STAT5A: variants seen among roughly 807,000 people sequenced by gnomAD.
STAT5A encodes the protein epididymis secretory sperm binding protein.
Under a neutral mutation model 100.2 loss-of-function variants are expected in STAT5A, and 26 were observed. The ratio of observed to expected loss-of-function variants is 0.26; its 90% CI spans 0.19 to 0.36. The LOEUF is 0.36. Among genes scored for constraint, STAT5A ranks in the 10% least tolerant of loss-of-function variants. The pLI, the probability that STAT5A is intolerant of heterozygous loss-of-function variation, is 1.00. For synonymous variants in STAT5A, 330 were observed against 424.3 expected, an observed-to-expected ratio of 0.78 and a Z score of 2.73; for missense variants, 634 against 1,027.5, an observed-to-expected ratio of 0.62 and a Z score of 5.24.
intron 11 of STAT5A, 70 bp from the exon 12 acceptor site, chr17:42,305,540 G>A (rs983653076): frequency 2.0e-5 from 25 of 1,243,836 alleles, no homozygotes; most frequent in Non-Finnish European, 2.9e-5. Context: ...AAGCAGATTG[G>A]GCATGTTGCC....
intron 1 of STAT5A, 173 bp from the exon 2 acceptor site, chr17:42,289,229 G>T (rs2080844730): frequency 1.3e-5 from 8 of 627,560 alleles, no homozygotes; most frequent in South Asian, 6.1e-5. Context: ...TGGAGGGGAT[G>T]GGCGGCCCTC....
chr17:42,293,951 A>T (rs2080894728), intron 4 of STAT5A, among the ~76,000 whole-genome samples: 1 of 152,158 alleles, frequency 6.6e-6, no homozygotes, highest in African/African-American at 2.4e-5. Context: ...GTGGTGGCTC[A>T]CATCTGTAAT....
Position 42,288,996 on chromosome 17 carries a change from G to A in STAT5A, c.-11+398G>A, listed in dbSNP as rs74875201. ...GCCGTCGTGGCGCTGGCCTAACTTCGGGTTGGAATATCTCCCCTTCCCAGA... is the reference window on the plus strand; with the variant it reads ...GCCGTCGTGGCGCTGGCCTAACTTCAGGTTGGAATATCTCCCCTTCCCAGA... On this transcript the variant is annotated intron_variant, in intron 1 of 18. Transcript: ENST00000590949. The surrounding 1 kb of genome is among the most constrained non-coding windows in gnomAD (Gnocchi z 4.8). Among the ~76,000 whole-genome samples, 3,320 of 152,328 alleles carry A rather than the reference G, an allele frequency of 0.022. 132 individuals carry two copies. Among genetic ancestry groups the A allele is most frequent in the African/African-American group, 0.077 (3,195 of 41,572 alleles).
chr17:42,290,965 A>G (rs996529200), intron 3 of STAT5A, among the ~76,000 whole-genome samples: 1 of 152,194 alleles, frequency 6.6e-6, no homozygotes, highest in Non-Finnish European at 1.5e-5. Flanking sequence ...CAAGAGCATC[A>G]CGTTTATTGT....
intron 4 of STAT5A, among the ~76,000 whole-genome samples, chr17:42,293,028 A>T (rs1389354418): frequency 6.6e-6 from 1 of 152,336 alleles, no homozygotes; most frequent in East Asian, 1.9e-4. Context: ...GAGGGGTAAC[A>T]GGGACACATC....
intron 4 of STAT5A, 109 bp downstream of exon 4, chr17:42,292,170 G>A (rs2080875459): frequency 7.5e-7 from 1 of 1,338,912 alleles, no homozygotes. Context: ...AGAGCACCAA[G>A]AAGATGAGGG....
chr17:42,289,563 T>A lies in STAT5A; in HGVS notation c.128+24T>A, dbSNP rs1039854056. 3 of 1,608,398 alleles carry A rather than the reference T, an allele frequency of 1.9e-6. No individual in the cohort carries two copies. The African/African-American group carries it at 4.0e-5, about 22-fold the overall frequency. Reference sequence around the variant, plus strand: ...TGGTAGGCACGTCCCGCCCTGCCCCTCCTCAGAGGGTCCCTACCATCCAGG... The same window carrying A: ...TGGTAGGCACGTCCCGCCCTGCCCCACCTCAGAGGGTCCCTACCATCCAGG... On this transcript the variant is annotated intron_variant, in intron 2 of 18. Transcript: ENST00000590949.
At chr17:42,290,047 AC>A (rs776485005) in intron 3 of STAT5A, 25 bp downstream of exon 3, 2 of 1,579,166 alleles carry the variant, frequency 1.3e-6, no homozygotes, top group African/African-American at 1.4e-5. Context: ...TGGGCCACCT[AC>A]GGGGAGGAAG....
chr17:42,306,760 C>T (rs1020443740), intron 13 of STAT5A, among the ~76,000 whole-genome samples: 1 of 152,004 alleles, frequency 6.6e-6, no homozygotes, highest in Non-Finnish European at 1.5e-5. Context: ...CATTCTGTCA[C>T]CCAGGCTGGA....
chr17:42,297,079 C>T (rs974492686), intron 5 of STAT5A, among the ~76,000 whole-genome samples: 5 of 152,152 alleles, frequency 3.3e-5, no homozygotes, highest in Non-Finnish European at 5.9e-5. Flanking sequence ...TACAGACATG[C>T]ACCACCATGC....
At chr17:42,300,662 C>T (rs1367620915) in intron 7 of STAT5A, 53 bp from the exon 8 acceptor site, 13 of 1,613,492 alleles carry the variant, frequency 8.1e-6, no homozygotes, top group Admixed American at 6.7e-5. Context: ...TGGGGCCTGG[C>T]GTCTGTGAGG....
chr17:42,291,421 G>T (rs2080867332), intron 3 of STAT5A, among the ~76,000 whole-genome samples: 1 of 152,168 alleles, frequency 6.6e-6, no homozygotes, highest in East Asian at 1.9e-4. Flanking sequence ...CGGTAGATTG[G>T]AAGTGCTTCA....
At chr17:42,295,943 T>C in intron 5 of STAT5A, 150 bp downstream of exon 5, 1 of 1,173,030 alleles carries the variant, frequency 8.5e-7, no homozygotes, top group East Asian at 2.6e-5. Flanking sequence ...ATTGAGCCCC[T>C]GCCGTGGGTC....
At chr17:42,299,694 A>G (rs565757846) in intron 5 of STAT5A, 57 bp from the exon 6 acceptor site, 126 of 1,613,034 alleles carry the variant, frequency 7.8e-5, no homozygotes, top group Middle Eastern at 3.3e-4. Flanking sequence ...GGGCTTCTCT[A>G]GGCCTCCTGT....
At chr17:42,292,163 G>A (rs2080875422) in intron 4 of STAT5A, 102 bp downstream of exon 4, 2 of 1,403,586 alleles carry the variant, frequency 1.4e-6, no homozygotes, top group Non-Finnish European at 2.0e-6. Flanking sequence ...CACGAGGAGA[G>A]CACCAAGAAG....
In STAT5A at chr17:42,307,741, C is replaced by T. The variant is rs564093985; in HGVS notation, c.1906+18C>T. On this transcript the variant is annotated intron_variant, in intron 15 of 18. Coordinates refer to ENST00000590949, the MANE Select transcript of STAT5A (RefSeq NM_001288718.2). ...TGACTCCCGTGAGTGCCCGTTTTGC[C>T]CACACTCCAGCCCCAAGGCCCGGTC... The T allele has an allele frequency of 6.2e-7, 1 of 1,611,904 alleles. No individual in the cohort carries two copies. Among genetic ancestry groups the T allele is most frequent in the Non-Finnish European group, 8.5e-7 (1 of 1,178,648 alleles).
At chr17:42,307,956 TC>T (rs1262694242) in intron 15 of STAT5A, among the ~76,000 whole-genome samples, 1 of 152,194 alleles carries the variant, frequency 6.6e-6, no homozygotes, top group Non-Finnish European at 1.5e-5. Flanking sequence ...TCCTGCAGTT[TC>T]ACGCTCTCCC....
chr17:42,291,576 C>T (rs1199157124), intron 3 of STAT5A, among the ~76,000 whole-genome samples: 1 of 152,142 alleles, frequency 6.6e-6, no homozygotes. Flanking sequence ...ATTAGCCGAG[C>T]GTGATGGCAC....
In STAT5A at chr17:42,310,946, C is replaced by A; in HGVS notation, c.*277C>A. The A allele has an allele frequency of 4.1e-6, 2 of 490,720 alleles. No individual in the cohort carries two copies. The highest frequency in any genetic ancestry group is 3.3e-5 in the Admixed American group (1 of 30,470). 30.4% of individuals were successfully genotyped at this position (490,720 alleles called of 1,614,324 possible). ...GAGACCGAGCCTCTGTCACTGCAGGCACTCAATGCAGCCAGACCTATTCCT... is the reference window on the plus strand; with the variant it reads ...GAGACCGAGCCTCTGTCACTGCAGGAACTCAATGCAGCCAGACCTATTCCT... On this transcript the variant is annotated 3_prime_UTR_variant, in exon 19 of 19. Coordinates refer to ENST00000590949, the MANE Select transcript of STAT5A (RefSeq NM_001288718.2).
Sources: allele counts gnomAD v4.1 joint callset (sites outside exome capture counted in the v4.1 genomes callset), GRCh38; gene constraint gnomAD v4.1.1; non-coding constraint Gnocchi (gnomAD v3.1); transcripts MANE v1.5; gene names NCBI Gene and HGNC (gene_info 2026-07-23, HGNC 2026-07-21).